Variants in FANCC observed in about 807,000 individuals in gnomAD.
FANCC encodes the protein FA complementation group C.
FANCC carries 55 observed loss-of-function variants against 71.3 expected under a neutral mutation model. The observed-to-expected ratio is 0.77, with a 90% CI of 0.62 to 0.97. FANCC has a LOEUF of 0.97. Ranked by LOEUF, FANCC falls within the 50% of genes least tolerant of loss-of-function variation. The pLI is 0.00. For missense variants in FANCC, 678 were observed against 670.9 expected, an observed-to-expected ratio of 1.01 and a Z score of -0.12; for synonymous variants, 275 against 244.9, an observed-to-expected ratio of 1.12 and a Z score of -1.15.
At position 95,247,445 on chromosome 9, in the gene FANCC, A is replaced by G; in HGVS notation, c.237T>C (p.Phe79=). Residue 79 remains phenylalanine (F), a synonymous_variant, in exon 3 of 15, where the codon TTT becomes TTC. Coordinates refer to ENST00000289081, the MANE Select transcript of FANCC (RefSeq NM_000136.3). ...QLLAKACWNP[F]ILAYDESQKI... ...TTTGATTCTTACCATATGCTAAAAT[A>G]AAAGGATTCCAACAAGCTTTTGCCA... The G allele has an allele frequency of 1.2e-6, 2 of 1,612,390 alleles. No homozygotes were observed. The highest frequency in any genetic ancestry group is 1.7e-6 in the Non-Finnish European group (2 of 1,178,500).
chr9:95,144,987 C>T (rs538583655), intron 7 of FANCC, among the ~76,000 whole-genome samples: 7 of 152,186 alleles, frequency 4.6e-5, no homozygotes, highest in African/African-American at 1.7e-4. Flanking sequence ...AGAAAAAAGG[C>T]CATTTTATTT....
At chr9:95,113,337 G>A (rs1419453082) in intron 12 of FANCC, among the ~76,000 whole-genome samples, 3 of 152,180 alleles carry the variant, frequency 2.0e-5, no homozygotes. Context: ...AGTGGCAAAA[G>A]GAACAAATAA....
chr9:95,238,686 C>T (rs1830460565), intron 4 of FANCC, among the ~76,000 whole-genome samples: 1 of 152,110 alleles, frequency 6.6e-6, no homozygotes, highest in Non-Finnish European at 1.5e-5. Flanking sequence ...CTGCCTCAGC[C>T]TCCCTAGTAG....
chr9:95,284,904 A>AC (rs1564827062), intron 1 of FANCC, among the ~76,000 whole-genome samples: 6 of 151,058 alleles, frequency 4.0e-5, no homozygotes, highest in African/African-American at 1.2e-4. Flanking sequence ...ACACACACAC[A>AC]AACATACGCA....
At chr9:95,139,555 C>T (rs1334099253) in intron 7 of FANCC, among the ~76,000 whole-genome samples, 7 of 152,020 alleles carry the variant, frequency 4.6e-5, no homozygotes, top group South Asian at 2.1e-4. Flanking sequence ...CCTCGTGCCA[C>T]GGAGTATGCC....
chr9:95,129,624 T>C (rs900570529), intron 8 of FANCC, among the ~76,000 whole-genome samples: 3 of 152,216 alleles, frequency 2.0e-5, no homozygotes, highest in Admixed American at 6.5e-5. Flanking sequence ...TTTCCATCTG[T>C]TTGTTTTTCT....
intron 4 of FANCC, among the ~76,000 whole-genome samples, chr9:95,236,741 G>T (rs552741597): frequency 6.6e-6 from 1 of 152,142 alleles, no homozygotes; most frequent in East Asian, 1.9e-4. Flanking sequence ...AATGACCCAA[G>T]ATTTTATTAC....
Position 95,306,499 on chromosome 9 carries a change from G to A in FANCC, c.-79+11027C>T, listed in dbSNP as rs4647367. On this transcript the variant is annotated intron_variant, in intron 1 of 14. Transcript: ENST00000289081. Reference sequence around the variant, plus strand: ...CCATAGGAAGCTTCAGCCCCCCTTGGACATCGAACTACTGGTGCAACAAAA... The same window carrying A: ...CCATAGGAAGCTTCAGCCCCCCTTGAACATCGAACTACTGGTGCAACAAAA... Among the ~76,000 whole-genome samples the A allele has an allele frequency of 3.3e-3, 507 of 152,262 alleles. 8 individuals carry two copies. In the East Asian group the frequency reaches 0.043, roughly 13 times the overall value.
rs1064793405 is a variant in FANCC, at chr9:95,240,656, C to T, written c.338G>A (p.Trp113Ter). 3 of 1,602,570 alleles carry T rather than the reference C, an allele frequency of 1.9e-6. No homozygotes were observed. Among genetic ancestry groups the T allele is most frequent in the Non-Finnish European group, 2.6e-6 (3 of 1,169,914 alleles). Reference sequence around the variant, plus strand: ...CAAGATTTACTCTCTTACCTGTATCCAGGAGTTAAGTTTTGATTGTCCAGA... The same window carrying T: ...CAAGATTTACTCTCTTACCTGTATCTAGGAGTTAAGTTTTGATTGTCCAGA... ...QNSGQSKLNSWIQGVLSHILS... is the reference protein window; with the variant it reads ...QNSGQSKLNS The change falls in exon 4 of 15, where the codon TGG (tryptophan) becomes TAG (stop). Residue 113 changes from tryptophan to a stop codon, truncating the protein, a stop_gained. Coordinates refer to ENST00000289081, the MANE Select transcript of FANCC (RefSeq NM_000136.3). LOFTEE classifies it high-confidence loss of function.
In FANCC at chr9:95,171,092, TA is replaced by T. The variant is rs1588218493; in HGVS notation, c.507del (p.Phe169LeufsTer25). On this transcript the variant is annotated frameshift_variant, in exon 6 of 15. Coordinates refer to ENST00000289081, the MANE Select transcript of FANCC (RefSeq NM_000136.3). LOFTEE classifies it high-confidence loss of function. ...SELRENHLNG[F>X]NTQRRMAPER... is the part of the protein sequence containing the mutation. The stretch of plus-strand genomic sequence containing the variant: ...TTTAACACCTACCGCCTTTGAGTGT[TA>T]AATCCATTAAGATGATTCTCTCTGA... The T allele has an allele frequency of 6.2e-7, 1 of 1,613,164 alleles. No individual in the cohort carries two copies. Among genetic ancestry groups the T allele is most frequent in the Non-Finnish European group, 8.5e-7 (1 of 1,179,232 alleles).
At position 95,107,070 on chromosome 9, in the gene FANCC, G is replaced by T. The variant is rs1233501553; in HGVS notation, c.1529C>A (p.Thr510Asn). 6 of 1,614,158 alleles carry T rather than the reference G, an allele frequency of 3.7e-6. No individual in the cohort carries two copies. The East Asian group carries it at 8.9e-5, about 24-fold the overall frequency. The change falls in exon 14 of 15, where the codon ACC becomes AAC. Residue 510 changes from threonine (T) to asparagine (N), a missense_variant. Transcript: ENST00000289081. ...GGHTIAWDVI[T>N]LMAHTAEITH... ...CTGGACCACAGGGAGACTTACCAGG[G>T]TGATGACATCCCAGGCGATCGTGTG...
chr9:95,122,837 C>G (rs16911980), intron 10 of FANCC, among the ~76,000 whole-genome samples: 4 of 152,154 alleles, frequency 2.6e-5, no homozygotes, highest in Non-Finnish European at 5.9e-5. Flanking sequence ...AAAGAATGCA[C>G]AAGGGAGGCT....
chr9:95,252,735 ACT>A (rs1247620853), intron 1 of FANCC, among the ~76,000 whole-genome samples: 11 of 133,192 alleles, frequency 8.3e-5, no homozygotes, highest in African/African-American at 2.9e-4. Flanking sequence ...ACAGAGCGAG[ACT>A]CTGTCTCAAA....
intron 6 of FANCC, among the ~76,000 whole-genome samples, chr9:95,166,673 A>G (rs1386250907): frequency 6.6e-6 from 1 of 152,152 alleles, no homozygotes; most frequent in Non-Finnish European, 1.5e-5. Flanking sequence ...GGATTCAACT[A>G]AATCATGGAT....
chr9:95,134,182 T>C (rs536095585), intron 8 of FANCC, among the ~76,000 whole-genome samples: 23 of 152,234 alleles, frequency 1.5e-4, no homozygotes, highest in Middle Eastern at 3.4e-3. Context: ...AAAGGGGCCA[T>C]GAAACAAGGG....
chr9:95,103,678 G>A (rs999966653), intron 14 of FANCC, among the ~76,000 whole-genome samples: 3 of 152,222 alleles, frequency 2.0e-5, no homozygotes, highest in South Asian at 2.1e-4. Context: ...CATGGATGGC[G>A]TTCTGGGGAA....
intron 7 of FANCC, 41 bp downstream of exon 7, chr9:95,149,882 G>A: frequency 6.4e-7 from 1 of 1,561,918 alleles, no homozygotes. Context: ...TCTAAGAAAA[G>A]GAAAAACGAC....
chr9:95,135,997 T>C (rs1054370716), intron 7 of FANCC, among the ~76,000 whole-genome samples: 1 of 152,230 alleles, frequency 6.6e-6, no homozygotes, highest in Non-Finnish European at 1.5e-5. Flanking sequence ...CACAGTGTTC[T>C]TGTAATGCAA....
At chr9:95,213,561 A>T (rs2135889494) in intron 4 of FANCC, among the ~76,000 whole-genome samples, 1 of 152,324 alleles carries the variant, frequency 6.6e-6, no homozygotes, top group Non-Finnish European at 1.5e-5. Context: ...GGGAAAAGAC[A>T]GCCTTTGCAA....
Sources: gnomAD v4.1 joint callset for allele counts (sites outside exome capture counted in the v4.1 genomes callset) on GRCh38, gnomAD v4.1.1 for gene constraint, MANE v1.5 for transcripts, NCBI Gene and HGNC (gene_info 2026-07-23, HGNC 2026-07-21) for gene names.